Variants in SCUBE2 observed in about 807,000 individuals in gnomAD.
The protein encoded by SCUBE2 is signal peptide, CUB domain and EGF like domain containing 2.
Under a neutral mutation model 125.9 loss-of-function variants are expected in SCUBE2, and 114 were observed. The ratio of observed to expected loss-of-function variants is 0.91; its 90% CI spans 0.78 to 1.06. SCUBE2 has a LOEUF of 1.06. Ranked by LOEUF, SCUBE2 falls within the 50% of genes least tolerant of loss-of-function variation. SCUBE2 has a pLI of 0.00. For synonymous variants in SCUBE2, 459 were observed against 492.9 expected, an observed-to-expected ratio of 0.93 and a Z score of 0.91; for missense variants, 1,255 against 1,301.8, an observed-to-expected ratio of 0.96 and a Z score of 0.55.
chr11:9,047,308 A>G (rs769310735), intron 16 of SCUBE2, 48 bp downstream of exon 16: 7 of 1,598,604 alleles, frequency 4.4e-6, no homozygotes, highest in Non-Finnish European at 5.1e-6. Flanking sequence ...CTGAGTGTTT[A>G]TGGAGCCCAA....
intron 16 of SCUBE2, among the ~76,000 whole-genome samples, chr11:9,041,190 T>C (rs894467193): frequency 1.3e-5 from 2 of 152,222 alleles, no homozygotes; most frequent in Non-Finnish European, 1.5e-5. Flanking sequence ...CATAGTGTAC[T>C]AGCCAATAGT....
chr11:9,074,314 T>C (rs1301681773), intron 4 of SCUBE2, among the ~76,000 whole-genome samples, 167 bp downstream of exon 4: 1 of 152,152 alleles, frequency 6.6e-6, no homozygotes, highest in East Asian at 1.9e-4. Flanking sequence ...AAGTTGAAGT[T>C]CAAATAACTT....
intron 16 of SCUBE2, among the ~76,000 whole-genome samples, chr11:9,044,121 T>C (rs1160206747): frequency 2.6e-5 from 4 of 152,204 alleles, no homozygotes; most frequent in Non-Finnish European, 4.4e-5. Flanking sequence ...TAATCAATAC[T>C]GGTGTCTTCA....
intron 10 of SCUBE2, among the ~76,000 whole-genome samples, chr11:9,055,105 T>C (rs183073539): frequency 7.9e-4 from 120 of 152,256 alleles, no homozygotes; most frequent in African/African-American, 2.6e-3. Flanking sequence ...CCAAATCCTA[T>C]AGATCCTCAG....
chr11:9,075,768 G>A (rs1159586421), intron 3 of SCUBE2, among the ~76,000 whole-genome samples: 1 of 152,248 alleles, frequency 6.6e-6, no homozygotes, highest in Admixed American at 6.5e-5. Context: ...TAGCGCTAGT[G>A]GCGACAGCAC....
chr11:9,043,802 AT>A (rs56287123), intron 16 of SCUBE2, among the ~76,000 whole-genome samples: 3,486 of 140,138 alleles, frequency 0.025, 48 homozygotes, highest in East Asian at 0.058. Flanking sequence ...TAAAATGACT[AT>A]TTTTTTTTTT....
At chr11:9,081,748 G>C (rs1861662903) in intron 2 of SCUBE2, among the ~76,000 whole-genome samples, 1 of 152,126 alleles carries the variant, frequency 6.6e-6, no homozygotes, top group African/African-American at 2.4e-5. Context: ...ATGGACACTT[G>C]GGTTGCTTCC....
chr11:9,058,046 G>A (rs928770405), intron 9 of SCUBE2, among the ~76,000 whole-genome samples: 1 of 152,118 alleles, frequency 6.6e-6, no homozygotes, highest in Non-Finnish European at 1.5e-5. Context: ...CCTTATATGG[G>A]AAGGATGTGT....
intron 2 of SCUBE2, among the ~76,000 whole-genome samples, chr11:9,083,696 A>C (rs1172791155): frequency 6.6e-6 from 1 of 151,914 alleles, no homozygotes; most frequent in African/African-American, 2.4e-5. Context: ...CTGGGATTAC[A>C]GGCGTGCTGT....
intron 3 of SCUBE2, among the ~76,000 whole-genome samples, chr11:9,075,205 T>TAA (rs5789594): frequency 1.6e-5 from 2 of 123,964 alleles, no homozygotes; most frequent in Non-Finnish European, 3.4e-5. Flanking sequence ...AGACGCCATC[T>TAA]AAAAAAAAAA....
At chr11:9,048,121 C>A in intron 14 of SCUBE2, 23 bp from the exon 15 acceptor site, 1 of 1,591,782 alleles carries the variant, frequency 6.3e-7, no homozygotes, top group South Asian at 1.1e-5. Context: ...ACAAAATTAT[C>A]GGAAGCCAAA....
intron 16 of SCUBE2, among the ~76,000 whole-genome samples, chr11:9,034,177 G>T (rs967359863): frequency 6.6e-6 from 1 of 152,212 alleles, no homozygotes; most frequent in Non-Finnish European, 1.5e-5. Context: ...ATTGAACATA[G>T]GTCTAGTGCT....
At chr11:9,066,651 G>T in intron 6 of SCUBE2, 46 bp downstream of exon 6, 1 of 1,480,638 alleles carries the variant, frequency 6.8e-7, no homozygotes. Flanking sequence ...GGTAGGGACA[G>T]GCAGGCTGGT....
chr11:9,080,532 T>G (rs1170600447), intron 2 of SCUBE2, among the ~76,000 whole-genome samples: 1 of 151,720 alleles, frequency 6.6e-6, no homozygotes, highest in Non-Finnish European at 1.5e-5. Flanking sequence ...ACGCCTATAG[T>G]CCCAGCTGCT....
intron 8 of SCUBE2, chr11:9,059,730 C>T (rs186351249): frequency 6.1e-6 from 2 of 329,984 alleles, no homozygotes; most frequent in East Asian, 1.1e-4. Context: ...CTTTGTATTG[C>T]TCTCTCAAGG....
At chr11:9,049,110 G>C (rs924564829) in intron 14 of SCUBE2, among the ~76,000 whole-genome samples, 3 of 152,090 alleles carry the variant, frequency 2.0e-5, no homozygotes, top group African/African-American at 7.2e-5. Context: ...AAGTTGCTAA[G>C]ATAGTATAGA....
At chr11:9,067,544 C>T (rs1225421461) in intron 5 of SCUBE2, among the ~76,000 whole-genome samples, 1 of 152,136 alleles carries the variant, frequency 6.6e-6, no homozygotes, top group Non-Finnish European at 1.5e-5. Context: ...GAACTAATTA[C>T]ATATTTGTGT....
intron 2 of SCUBE2, among the ~76,000 whole-genome samples, chr11:9,085,502 G>A (rs942728210): frequency 5.3e-5 from 8 of 152,136 alleles, no homozygotes; most frequent in Admixed American, 3.3e-4. Flanking sequence ...CAAGGCAGGC[G>A]GATCATGAGG....
chr11:9,060,552 A>G, intron 7 of SCUBE2, 28 bp from the exon 8 acceptor site: 1 of 1,584,904 alleles, frequency 6.3e-7, no homozygotes, highest in Non-Finnish European at 8.7e-7. Context: ...AAAGACAATT[A>G]GCTTCCCAAA....
Sources: allele counts gnomAD v4.1 joint callset (sites outside exome capture counted in the v4.1 genomes callset), GRCh38; gene constraint gnomAD v4.1.1; transcripts MANE v1.5; gene names NCBI Gene and HGNC (gene_info 2026-07-23, HGNC 2026-07-21).